Variants in VIM observed in about 807,000 individuals in gnomAD.
VIM encodes epididymis secretory sperm binding protein.
Under a neutral mutation model 50.3 loss-of-function variants are expected in VIM, and 18 were observed. The observed-to-expected ratio is 0.36, with a 90% CI of 0.25 to 0.53. The LOEUF is 0.53. Among genes scored for constraint, VIM ranks in the 20% least tolerant of loss-of-function variants. The probability of loss-of-function intolerance (pLI) is 0.91; values close to 1 mark genes in which losing one functional copy is unlikely to be tolerated. For synonymous variants in VIM, 245 were observed against 248.5 expected (o/e 0.99, Z 0.13); for missense variants, 551 against 614.7 (o/e 0.90, Z 1.10).
At position 17,235,331 on chromosome 10, in the gene VIM, A is replaced by T; in HGVS notation, c.1171A>T (p.Met391Leu). ...REYQDLLNVK[M>L]ALDIEIATYR... ...ATACCAAGACCTGCTCAATGTTAAG[A>T]TGGCCCTTGACATTGAGATTGCCAC... Residue 391 changes from methionine (M) to leucine (L), a missense_variant, in exon 7 of 10, where the codon ATG becomes TTG. Met to Leu is a conservative substitution (Grantham distance 15). Coordinates refer to ENST00000544301, the MANE Select transcript of VIM (RefSeq NM_003380.5). 1 of 1,614,246 alleles carries T rather than the reference A, an allele frequency of 6.2e-7. No individual in the cohort carries two copies. The highest frequency in any genetic ancestry group is 8.5e-7 in the Non-Finnish European group (1 of 1,180,046).
In VIM at chr10:17,230,075, G is replaced by A. The variant is rs1053380230; in HGVS notation, c.563+90G>A. On this transcript the variant is annotated intron_variant, in intron 2 of 9. Transcript: ENST00000544301. The stretch of plus-strand genomic sequence containing the variant: ...CCCCGGCCCCCGCGAGAGCTGCCAC[G>A]CCCTTGGGGATGTGGCCGGGGGGAG... The A allele has an allele frequency of 4.8e-6, 7 of 1,445,310 alleles. No homozygotes were observed. In the African/African-American group the frequency reaches 8.5e-5, roughly 18 times the overall value. 89.5% of individuals were successfully genotyped at this position (1,445,310 alleles called of 1,614,324 possible).
At chr10:17,234,172 GT>G in intron 5 of VIM, 1 of 480,104 alleles carries the variant, frequency 2.1e-6, no homozygotes, top group South Asian at 2.3e-5. Flanking sequence ...CTGGAGTGCA[GT>G]GGCAACATCT....
intron 2 of VIM, chr10:17,230,196 C>T (rs1405103330): frequency 4.3e-5 from 27 of 632,430 alleles, no homozygotes; most frequent in Non-Finnish European, 6.5e-5. Context: ...CTCCTCTGTC[C>T]CCACACATTG....
chr10:17,230,871 G>A (rs528720423), intron 3 of VIM, 161 bp downstream of exon 3: 2 of 700,608 alleles, frequency 2.9e-6, no homozygotes, highest in African/African-American at 1.8e-5. Context: ...AGCTTCTCAT[G>A]ATTAGAAAAA....
rs752236825 is a variant in VIM at position 17,233,611 on chromosome 10, C to T, written c.649C>T (p.Arg217Cys). 29 of 1,614,052 alleles carry T rather than the reference C, an allele frequency of 1.8e-5. 1 individual carries two copies. The highest frequency in any genetic ancestry group is 1.6e-4 in the South Asian group (15 of 91,090). Residue 217 changes from arginine (R) to cysteine (C), a missense_variant, in exon 4 of 10, where the codon CGT (arginine) becomes TGT (cysteine). Arg to Cys is a radical substitution (Grantham distance 180, BLOSUM62 -3). Coordinates refer to ENST00000544301, the MANE Select transcript of VIM (RefSeq NM_003380.5). ...RQDVDNASLA[R>C]LDLERKVESL... ...GGATGTTGACAATGCGTCTCTGGCA[C>T]GTCTTGACCTTGAACGCAAAGTGGA...
rs144519674 is a variant in VIM at position 17,237,283 on chromosome 10, A to T, written c.*12A>T. On this transcript the variant is annotated 3_prime_UTR_variant, in exon 10 of 10. Transcript: ENST00000544301. ...ATGACCTTGAATAAAAATTGCACAC[A>T]CTCAGTGCAGCAATATATTACCAGC... 27 of 1,604,910 alleles carry T rather than the reference A, an allele frequency of 1.7e-5. No individual in the cohort carries two copies. In the East Asian group the frequency reaches 6.0e-4, roughly 36 times the overall value.
rs1306231626 is a variant in VIM, at chr10:17,229,327, C to G, written c.-96C>G. 16 of 1,322,078 alleles carry G rather than the reference C, an allele frequency of 1.2e-5. No homozygotes were observed. The highest frequency in any genetic ancestry group is 2.6e-5 in the South Asian group (2 of 77,762). 81.9% of individuals were successfully genotyped at this position (1,322,078 alleles called of 1,614,324 possible). A position where few individuals can be genotyped will look rare whatever the true frequency, so the allele number is the denominator to read the frequency against. Reference sequence around the variant, plus strand: ...CCCGCGCCAGAGACGCAGCCGCGCTCCCACCACCCACACCCACCGCGCCCT... The same window carrying G: ...CCCGCGCCAGAGACGCAGCCGCGCTGCCACCACCCACACCCACCGCGCCCT... On this transcript the variant is annotated 5_prime_UTR_variant, in exon 2 of 10. Coordinates refer to ENST00000544301, the MANE Select transcript of VIM (RefSeq NM_003380.5).
chr10:17,230,736 AGCC>A (rs746560510), intron 3 of VIM, 26 bp downstream of exon 3: 2 of 1,614,004 alleles, frequency 1.2e-6, no homozygotes, highest in South Asian at 2.2e-5. Flanking sequence ...TCCCACTCGC[AGCC>A]GCCTGACCCC....
chr10:17,229,315 C>G lies in VIM; in HGVS notation c.-108C>G. On this transcript the variant is annotated 5_prime_UTR_variant, in exon 2 of 10. Transcript: ENST00000544301. The stretch of plus-strand genomic sequence containing the variant: ...CGCTCCGAGGTCCCCGCGCCAGAGA[C>G]GCAGCCGCGCTCCCACCACCCACAC... 3 of 1,196,746 alleles carry G rather than the reference C, an allele frequency of 2.5e-6. No individual in the cohort carries two copies. Among genetic ancestry groups the G allele is most frequent in the South Asian group, 1.4e-5 (1 of 73,048 alleles). 74.1% of individuals were successfully genotyped at this position (1,196,746 alleles called of 1,614,324 possible).
intron 2 of VIM, chr10:17,230,373 C>T: frequency 1.8e-6 from 1 of 569,874 alleles, no homozygotes; most frequent in South Asian, 2.0e-5. Context: ...GAGGGGAAGG[C>T]GGTGGAGGGA....
At chr10:17,231,249 C>T (rs942837256) in intron 3 of VIM, among the ~76,000 whole-genome samples, 1 of 152,126 alleles carries the variant, frequency 6.6e-6, no homozygotes, top group Admixed American at 6.5e-5. Flanking sequence ...ACTTAGTTTC[C>T]AACTGGAATG....
chr10:17,235,161 C>A lies in VIM; in HGVS notation c.1009-8C>A, dbSNP rs372984113. On this transcript the variant is annotated splice_region_variant and splice_polypyrimidine_tract_variant and intron_variant, in intron 6 of 9. Coordinates refer to ENST00000544301, the MANE Select transcript of VIM (RefSeq NM_003380.5). Reference sequence around the variant, plus strand: ...AATAACACCAGACATCTTTCTCACCCCCTGCAGAATGAGTCCCTGGAACGC... The same window carrying A: ...AATAACACCAGACATCTTTCTCACCACCTGCAGAATGAGTCCCTGGAACGC... 44 of 1,613,916 alleles carry A rather than the reference C, an allele frequency of 2.7e-5. No homozygotes were observed. Among genetic ancestry groups the A allele is most frequent in the Non-Finnish European group, 3.5e-5 (41 of 1,179,906 alleles).
chr10:17,229,991 G>A lies in VIM; in HGVS notation c.563+6G>A, dbSNP rs1302181326. 5 of 1,607,490 alleles carry A rather than the reference G, an allele frequency of 3.1e-6. No homozygotes were observed. Among genetic ancestry groups the A allele is most frequent in the Non-Finnish European group, 4.2e-6 (5 of 1,177,788 alleles). On this transcript the variant is annotated splice_donor_region_variant and intron_variant, in intron 2 of 9. Coordinates refer to ENST00000544301, the MANE Select transcript of VIM (RefSeq NM_003380.5). ...ATCATGCGCCTCCGGGAGAAGTAAG[G>A]CTGCGCCCATGCAAGTAGCTGGGCC...
At position 17,230,565 on chromosome 10, in the gene VIM, A is replaced by T. The variant is rs1846770687; in HGVS notation, c.564-85A>T. The T allele has an allele frequency of 2.7e-6, 4 of 1,462,572 alleles. No homozygotes were observed. The South Asian group carries it at 3.4e-5, about 12-fold the overall frequency. The allele number at this position is 1,462,572 out of a possible 1,614,324, so 90.6% of individuals were successfully genotyped here. Reference sequence around the variant, plus strand: ...GGTGGCGCAGCTGCTCTGGAGGCGCAGAGCGAATACGTGGTGTTTGGGTGT... The same window carrying T: ...GGTGGCGCAGCTGCTCTGGAGGCGCTGAGCGAATACGTGGTGTTTGGGTGT... On this transcript the variant is annotated intron_variant, in intron 2 of 9. Coordinates refer to ENST00000544301, the MANE Select transcript of VIM (RefSeq NM_003380.5).
rs2131679250 is a variant in VIM at position 17,229,442 on chromosome 10, C to T, written c.20C>T (p.Ser7Phe). The T allele has an allele frequency of 6.2e-7, 1 of 1,606,256 alleles. No individual in the cohort carries two copies. Among genetic ancestry groups the T allele is most frequent in the South Asian group, 1.1e-5 (1 of 90,710 alleles). ...GCAGCCATGTCCACCAGGTCCGTGT[C>T]CTCGTCCTCCTACCGCAGGATGTTC... MSTRSV[S>F]SSSYRRMFGG... Residue 7 changes from serine (S) to phenylalanine (F), a missense_variant, in exon 2 of 10, where the codon TCC becomes TTC. Physicochemically the swap from Ser to Phe is radical, Grantham distance 155. Coordinates refer to ENST00000544301, the MANE Select transcript of VIM (RefSeq NM_003380.5).
At chr10:17,230,546 G>T in intron 2 of VIM, 104 bp from the exon 3 acceptor site, 3 of 1,313,566 alleles carry the variant, frequency 2.3e-6, no homozygotes, top group Non-Finnish European at 3.3e-6. Flanking sequence ...CGGAGGTGGC[G>T]CAGCTGCTCT....
chr10:17,236,195 C>G, intron 8 of VIM, 99 bp from the exon 9 acceptor site: 2 of 1,001,296 alleles, frequency 2.0e-6, no homozygotes, highest in Non-Finnish European at 3.2e-6. Flanking sequence ...ACACAATTGC[C>G]TCTCCCCCAC....
Position 17,230,086 on chromosome 10 carries a change from T to TG in VIM, c.563+102dup, listed in dbSNP as rs1846758637. 2.1e-6 allele frequency: 3 copies of TG among 1,403,008 alleles called. No homozygotes were observed. In the East Asian group the frequency reaches 7.5e-5, roughly 35 times the overall value. 86.9% of individuals were successfully genotyped at this position (1,403,008 alleles called of 1,614,324 possible). A position where few individuals can be genotyped will look rare whatever the true frequency, so the allele number is the denominator to read the frequency against. On this transcript the variant is annotated intron_variant, in intron 2 of 9. Coordinates refer to ENST00000544301, the MANE Select transcript of VIM (RefSeq NM_003380.5). ...GCGAGAGCTGCCACGCCCTTGGGGA[T>TG]GTGGCCGGGGGGAGGCCTGCCAGGG... is the stretch of plus-strand genomic sequence containing the variant.
At chr10:17,236,041 C>T in intron 8 of VIM, 152 bp downstream of exon 8, 6 of 833,052 alleles carry the variant, frequency 7.2e-6, no homozygotes, top group Admixed American at 2.2e-5. Context: ...CAAGTACACT[C>T]TTGCATTCTA....
Sources: allele counts gnomAD v4.1 joint callset (sites outside exome capture counted in the v4.1 genomes callset), GRCh38; gene constraint gnomAD v4.1.1; transcripts MANE v1.5; gene names NCBI Gene and HGNC (gene_info 2026-07-23, HGNC 2026-07-21).